The following ADGRB3 variants were observed in gnomAD, a reference collection of about 807,000 sequenced individuals.
ADGRB3 encodes the protein brain-specific angiogenesis inhibitor 3.
ADGRB3 carries 37 observed loss-of-function variants against 193.4 expected under a neutral mutation model. The observed-to-expected ratio is 0.19, with a 90% CI of 0.15 to 0.25. The LOEUF (loss-of-function observed/expected upper bound fraction) is 0.25. Among genes scored for constraint, ADGRB3 ranks in the 10% least tolerant of loss-of-function variants. The pLI is 1.00. For missense variants in ADGRB3, 1,637 were observed against 1,852.9 expected, an observed-to-expected ratio of 0.88 and a Z score of 2.14; for synonymous variants, 690 against 644.2, an observed-to-expected ratio of 1.07 and a Z score of -1.08.
intron 3 of ADGRB3, among the ~76,000 whole-genome samples, chr6:68,695,558 T>C (rs1765143327): frequency 6.6e-6 from 1 of 152,032 alleles, no homozygotes; most frequent in African/African-American, 2.4e-5. Flanking sequence ...CCTAGGAACA[T>C]GTCTTCTTGT....
intron 20 of ADGRB3, among the ~76,000 whole-genome samples, chr6:69,243,010 A>G (rs1165553850): frequency 6.6e-6 from 1 of 151,970 alleles, no homozygotes; most frequent in East Asian, 1.9e-4. Context: ...TTTCTTAATG[A>G]CAAAAGCATG....
intron 17 of ADGRB3, among the ~76,000 whole-genome samples, chr6:69,169,505 TAATTAA>T (rs1203595257): frequency 6.7e-6 from 1 of 149,972 alleles, no homozygotes; most frequent in East Asian, 1.9e-4. Flanking sequence ...TTACAAATTA[TAATTAA>T]ATTATATAAT....
chr6:69,039,732 T>C (rs1455673760), intron 13 of ADGRB3, among the ~76,000 whole-genome samples: 2 of 147,840 alleles, frequency 1.4e-5, no homozygotes, highest in African/African-American at 2.5e-5. Flanking sequence ...GATTACATAA[T>C]TGTTTTTTTC....
At chr6:68,649,045 C>T (rs1341880531) in intron 3 of ADGRB3, among the ~76,000 whole-genome samples, 1 of 152,018 alleles carries the variant, frequency 6.6e-6, no homozygotes, top group Non-Finnish European at 1.5e-5. Flanking sequence ...TTATCTGCCC[C>T]ATTGAAGTGT....
chr6:68,790,187 T>A (rs1303443879), intron 3 of ADGRB3, among the ~76,000 whole-genome samples: 1 of 152,182 alleles, frequency 6.6e-6, no homozygotes, highest in Non-Finnish European at 1.5e-5. Flanking sequence ...CAGGGTATCC[T>A]TGTTTCTGCC....
At chr6:69,133,815 G>A (rs993867656) in intron 17 of ADGRB3, among the ~76,000 whole-genome samples, 6 of 151,714 alleles carry the variant, frequency 4.0e-5, no homozygotes, top group Non-Finnish European at 8.8e-5. Context: ...CCCAATATGT[G>A]GTCTTTTATC....
At chr6:69,131,197 C>T (rs1346501331) in intron 17 of ADGRB3, among the ~76,000 whole-genome samples, 1 of 151,918 alleles carries the variant, frequency 6.6e-6, no homozygotes, top group African/African-American at 2.4e-5. Flanking sequence ...GAAATTATTG[C>T]AGAAGTCAAA....
chr6:68,786,095 C>T (rs1415526588), intron 3 of ADGRB3, among the ~76,000 whole-genome samples: 1 of 151,732 alleles, frequency 6.6e-6, no homozygotes, highest in East Asian at 1.9e-4. Flanking sequence ...TTCTCCGATT[C>T]TGTAGGTTGC....
intron 26 of ADGRB3, among the ~76,000 whole-genome samples, chr6:69,340,989 C>T (rs766669508): frequency 5.9e-5 from 9 of 152,136 alleles, no homozygotes; most frequent in Non-Finnish European, 1.3e-4. Context: ...TGTATATGTG[C>T]CACATTTTCT....
intron 17 of ADGRB3, among the ~76,000 whole-genome samples, chr6:69,077,057 C>A (rs1772252682): frequency 6.6e-6 from 1 of 151,976 alleles, no homozygotes; most frequent in South Asian, 2.1e-4. Context: ...ATTAAACATA[C>A]TCTTTTGCTA....
intron 17 of ADGRB3, among the ~76,000 whole-genome samples, chr6:69,142,574 G>A (rs982378371): frequency 2.0e-5 from 3 of 152,158 alleles, no homozygotes; most frequent in African/African-American, 7.2e-5. Flanking sequence ...ATAAGGTCAA[G>A]GCCACACAAG....
At chr6:68,725,573 G>A (rs192685397) in intron 3 of ADGRB3, among the ~76,000 whole-genome samples, 1 of 151,828 alleles carries the variant, frequency 6.6e-6, no homozygotes, top group Admixed American at 6.6e-5. Context: ...TGAGAATGAT[G>A]CCATGGTTTT....
intron 3 of ADGRB3, among the ~76,000 whole-genome samples, chr6:68,655,257 T>C (rs1323219666): frequency 6.6e-6 from 1 of 151,610 alleles, no homozygotes; most frequent in Non-Finnish European, 1.5e-5. Flanking sequence ...TCTGTGGCAT[T>C]GACACTTTTA....
chr6:68,889,552 G>T (rs952843018), intron 3 of ADGRB3, among the ~76,000 whole-genome samples: 1 of 151,108 alleles, frequency 6.6e-6, no homozygotes, highest in African/African-American at 2.4e-5. Context: ...CCCCGGGCTG[G>T]AGTGCAGTGG....
In ADGRB3 at chr6:69,260,045, G is replaced by A. The variant is rs111660163; in HGVS notation, c.2814+20819G>A. ...CCTTGTGTAAAGTCTGTTTTAATAC[G>A]CAAAATTATGTGTGTGTGCACATGT... On this transcript the variant is annotated intron_variant, in intron 20 of 31. Coordinates refer to ENST00000370598, the MANE Select transcript of ADGRB3 (RefSeq NM_001704.3). 9.9e-5 allele frequency among the ~76,000 whole-genome samples: 15 copies of A among 152,162 alleles called. No individual in the cohort carries two copies. The South Asian group carries it at 2.1e-3, about 21-fold the overall frequency.
At chr6:69,355,969 G>A in intron 28 of ADGRB3, 109 bp downstream of exon 28, 1 of 936,626 alleles carries the variant, frequency 1.1e-6, no homozygotes. Context: ...ATTGTTCTGT[G>A]AAAGGGCTGT....
chr6:68,905,104 T>A (rs1766505785), intron 3 of ADGRB3, among the ~76,000 whole-genome samples: 1 of 152,218 alleles, frequency 6.6e-6, no homozygotes, highest in Admixed American at 6.5e-5. Context: ...TTGTTGGGAC[T>A]GTTACCTATA....
chr6:69,308,023 G>A (rs1179460644), intron 20 of ADGRB3, among the ~76,000 whole-genome samples: 4 of 151,542 alleles, frequency 2.6e-5, no homozygotes. Flanking sequence ...AAAAAGGTGA[G>A]AATTTTGTTA....
chr6:68,697,382 G>T (rs537413720), intron 3 of ADGRB3, among the ~76,000 whole-genome samples: 1 of 151,914 alleles, frequency 6.6e-6, no homozygotes, highest in South Asian at 2.1e-4. Context: ...AGTGGCAAAT[G>T]AATTTTTCTC....
Sources: allele counts gnomAD v4.1 joint callset (sites outside exome capture counted in the v4.1 genomes callset), GRCh38; gene constraint gnomAD v4.1.1; transcripts MANE v1.5; gene names NCBI Gene and HGNC (gene_info 2026-07-23, HGNC 2026-07-21).